The following NCOR1 variants were observed in gnomAD, a reference collection of about 807,000 sequenced individuals.
NCOR1 encodes the protein nuclear receptor corepressor 1.
In NCOR1, 63 loss-of-function variants were observed where a neutral mutation model predicts 288.1. The observed-to-expected ratio is 0.22, with a 90% CI of 0.18 to 0.27. The LOEUF (loss-of-function observed/expected upper bound fraction) is 0.27. Ranked by LOEUF, NCOR1 falls within the 10% of genes least tolerant of loss-of-function variation. The pLI is 1.00. For synonymous variants in NCOR1, 1,007 were observed against 1,065.9 expected (o/e 0.94, Z 1.08); for missense variants, 2,397 against 3,019.2 (o/e 0.79, Z 4.83).
intron 40 of NCOR1, among the ~76,000 whole-genome samples, chr17:16,054,076 A>G (rs1307121078): frequency 1.4e-4 from 21 of 149,608 alleles, no homozygotes. Context: ...AATGTAAAAA[A>G]AAAAAAAAAA....
intron 5 of NCOR1, among the ~76,000 whole-genome samples, 165 bp from the exon 6 acceptor site, chr17:16,159,038 C>T (rs1041134223): frequency 4.6e-5 from 7 of 151,986 alleles, no homozygotes; most frequent in Non-Finnish European, 1.0e-4. Context: ...GAGAATTAAT[C>T]AGATTTATTT....
Position 16,070,223 on chromosome 17 carries a change from A to C in NCOR1, c.4455T>G (p.Pro1485=), listed in dbSNP as rs2061594684. Reference sequence around the variant, plus strand: ...TGGACATGGTGTTTTGATAACTCACAGGGGTCCTCCGTGCACTGGTGTCAT... The same window carrying C: ...TGGACATGGTGTTTTGATAACTCACCGGGGTCCTCCGTGCACTGGTGTCAT... The part of the protein sequence containing the change: ...IYDDTSARRT[P]VSYQNTMSRG... Residue 1485 remains proline, a synonymous_variant, in exon 31 of 46, where the codon CCT becomes CCG. Coordinates refer to ENST00000268712, the MANE Select transcript of NCOR1 (RefSeq NM_006311.4). The C allele has an allele frequency of 6.2e-7, 1 of 1,613,770 alleles. No individual in the cohort carries two copies. Among genetic ancestry groups the C allele is most frequent in the Admixed American group, 1.7e-5 (1 of 59,972 alleles).
chr17:16,178,510 A>G (rs1040705569), intron 3 of NCOR1, among the ~76,000 whole-genome samples: 6 of 150,184 alleles, frequency 4.0e-5, no homozygotes, highest in Non-Finnish European at 8.9e-5. Context: ...AAAAAAAAAA[A>G]AAAAAAAAAA....
intron 34 of NCOR1, 79 bp from the exon 35 acceptor site, chr17:16,064,266 G>A: frequency 6.6e-7 from 1 of 1,514,514 alleles, no homozygotes; most frequent in Non-Finnish European, 8.9e-7. Flanking sequence ...AATTCTAAGT[G>A]ACTGAAAATT....
chr17:16,186,501 T>C (rs184786204), intron 3 of NCOR1, 53 bp downstream of exon 3: 4 of 1,557,138 alleles, frequency 2.6e-6, no homozygotes, highest in African/African-American at 2.8e-5. Context: ...ATGACAAACT[T>C]GTATACTTCA....
At chr17:16,095,670 G>T (rs868322745) in intron 21 of NCOR1, among the ~76,000 whole-genome samples, 1 of 95,322 alleles carries the variant, frequency 1.0e-5, no homozygotes, top group African/African-American at 5.0e-5. Flanking sequence ...GAGGTGGGGG[G>T]GGGGGTCAGC....
intron 40 of NCOR1, chr17:16,056,876 ATG>A (rs1178483775): frequency 1.3e-5 from 2 of 151,484 alleles, no homozygotes; most frequent in Non-Finnish European, 1.5e-5. Flanking sequence ...GCATATATAT[ATG>A]TGTGTGTATC....
intron 37 of NCOR1, among the ~76,000 whole-genome samples, chr17:16,059,041 C>A (rs2060254650): frequency 8.7e-6 from 1 of 115,176 alleles, no homozygotes. Context: ...AAGAGCGAAA[C>A]TCCGTCTCAA....
At chr17:16,094,227 G>A (rs559887439) in intron 21 of NCOR1, among the ~76,000 whole-genome samples, 9 of 152,010 alleles carry the variant, frequency 5.9e-5, no homozygotes, top group African/African-American at 9.6e-5. Flanking sequence ...TATGCAGACC[G>A]GTCCATACGT....
At chr17:16,087,280 G>C (rs756694496) in intron 22 of NCOR1, 2 of 1,304,114 alleles carry the variant, frequency 1.5e-6, no homozygotes, top group African/African-American at 3.0e-5. Context: ...GCAGTATTGT[G>C]CATCTGTGCT....
At chr17:16,098,117 G>T (rs2066965053) in intron 21 of NCOR1, among the ~76,000 whole-genome samples, 1 of 152,284 alleles carries the variant, frequency 6.6e-6, no homozygotes. Flanking sequence ...AGGAAGAGAG[G>T]AGTTGTTTAA....
rs189393166 is a variant in NCOR1, at chr17:16,191,306, G to A, written c.108+3156C>T. On this transcript the variant is annotated intron_variant, in intron 2 of 45. Coordinates refer to ENST00000268712, the MANE Select transcript of NCOR1 (RefSeq NM_006311.4). ...AACCCTAGGAGACAAGCTTAGAAGT[G>A]GGGGATAAATTAGAATAAAGACCAC... Among the ~76,000 whole-genome samples the A allele has an allele frequency of 6.6e-5, 10 of 152,226 alleles. No homozygotes were observed. The East Asian group carries it at 1.7e-3, about 26-fold the overall frequency.
At chr17:16,072,017 T>A in intron 29 of NCOR1, 128 bp downstream of exon 29, 1 of 715,584 alleles carries the variant, frequency 1.4e-6, no homozygotes, top group South Asian at 2.4e-5. Flanking sequence ...AGAAAAGTAA[T>A]AACCAAGACT....
Position 16,200,068 on chromosome 17 carries a change from T to C in NCOR1, c.-70-5429A>G, listed in dbSNP as rs573574461. Among the ~76,000 whole-genome samples the C allele has an allele frequency of 3.3e-5, 5 of 151,982 alleles. No individual in the cohort carries two copies. In the East Asian group the frequency reaches 9.7e-4, roughly 29 times the overall value. On this transcript the variant is annotated intron_variant, in intron 1 of 45. Transcript: ENST00000268712. ...CTTGCAACAACAAAATTTCAAATAC[T>C]ATCCTGCCAAAAAAAAAAGCAATTT...
In NCOR1 at chr17:16,101,528, A is replaced by G. The variant is rs770185156; in HGVS notation, c.2412T>C (p.Ser804=). The change falls in exon 20 of 46, where the codon AGT becomes AGC. Residue 804 remains serine, a synonymous_variant. Coordinates refer to ENST00000268712, the MANE Select transcript of NCOR1 (RefSeq NM_006311.4). ...EQMDVDQQEH[S]AEEGSVCDPP... is the part of the protein sequence containing the mutation. ...GATCACAAACAGAACCCTCTTCAGC[A>G]CTGTGCTCCTGCTGATCTACATCCA... 2 of 1,614,194 alleles carry G rather than the reference A, an allele frequency of 1.2e-6. No individual in the cohort carries two copies. The highest frequency in any genetic ancestry group is 3.3e-5 in the Admixed American group (2 of 60,016).
In NCOR1 at chr17:16,057,755, A is replaced by C; in HGVS notation, c.6169-18T>G. On this transcript the variant is annotated intron_variant, in intron 39 of 45. Transcript: ENST00000268712. ...ATAATTTGCTGTGAATGAGAAATGAAGGAAGTGGTAAAATTCATTGAGTAC... is the reference window on the plus strand; with the variant it reads ...ATAATTTGCTGTGAATGAGAAATGACGGAAGTGGTAAAATTCATTGAGTAC... The C allele has an allele frequency of 6.2e-7, 1 of 1,609,512 alleles. No individual in the cohort carries two copies. Among genetic ancestry groups the C allele is most frequent in the Non-Finnish European group, 8.5e-7 (1 of 1,176,526 alleles).
chr17:16,044,026 G>A (rs772874280), intron 42 of NCOR1, among the ~76,000 whole-genome samples: 1 of 151,894 alleles, frequency 6.6e-6, no homozygotes, highest in Non-Finnish European at 1.5e-5. Context: ...AAAATTAGCC[G>A]GATATGGTGG....
chr17:16,135,454 T>TTC (rs1183627752), intron 14 of NCOR1, among the ~76,000 whole-genome samples: 1 of 152,176 alleles, frequency 6.6e-6, no homozygotes, highest in East Asian at 1.9e-4. Context: ...TTATCCTCCC[T>TTC]TCTCTGATCC....
rs2152998344 is a variant in NCOR1 at position 16,101,653 on chromosome 17, T to G, written c.2287A>C (p.Thr763Pro). The G allele has an allele frequency of 6.2e-7, 1 of 1,614,210 alleles. No homozygotes were observed. Among genetic ancestry groups the G allele is most frequent in the African/African-American group, 1.3e-5 (1 of 75,064 alleles). The stretch of plus-strand genomic sequence containing the variant: ...CTTGGAACTGCTAAGGAGGGAGATG[T>G]ACTGGGTGCAGTTTCCGTGGTGGGC... ...LEPTTETAPS[T>P]SPSLAVPSTK... The change falls in exon 20 of 46, where the codon ACA (threonine) becomes CCA (proline). Residue 763 changes from threonine (T) to proline (P), a missense_variant. This residue lies in a region of NCOR1 where 1,872 missense variants were observed against 2,187.8 expected (regional missense o/e 0.86). Coordinates refer to ENST00000268712, the MANE Select transcript of NCOR1 (RefSeq NM_006311.4).
Sources: allele counts gnomAD v4.1 joint callset (sites outside exome capture counted in the v4.1 genomes callset), GRCh38; gene constraint gnomAD v4.1.1; regional missense constraint gnomAD v4.1.1; transcripts MANE v1.5; gene names NCBI Gene and HGNC (gene_info 2026-07-23, HGNC 2026-07-21).